Variants in STXBP5L observed in about 807,000 individuals in gnomAD.
The protein encoded by STXBP5L is syntaxin binding protein 5L.
STXBP5L carries 65 observed loss-of-function variants against 144.5 expected under a neutral mutation model. The observed-to-expected ratio is 0.45, with a 90% CI of 0.37 to 0.55. The LOEUF (loss-of-function observed/expected upper bound fraction) is 0.55, where lower values mean the gene tolerates loss of function less well. STXBP5L is among the 20% of genes least tolerant of loss of function. The pLI is 0.00. For synonymous variants in STXBP5L, 505 were observed against 469.6 expected (o/e 1.08, Z -0.97); for missense variants, 1,298 against 1,405.5 (o/e 0.92, Z 1.22).
intron 5 of STXBP5L, among the ~76,000 whole-genome samples, chr3:121,060,792 T>G (rs111716169): frequency 2.0e-5 from 3 of 152,138 alleles, no homozygotes; most frequent in African/African-American, 7.2e-5. Flanking sequence ...GATGGTAGTT[T>G]GTATTTCTGT....
chr3:121,310,912 A>AAC (rs995254700), intron 19 of STXBP5L, among the ~76,000 whole-genome samples: 1 of 152,148 alleles, frequency 6.6e-6, no homozygotes, highest in Non-Finnish European at 1.5e-5. Flanking sequence ...CTGTCTCAAA[A>AAC]AAAAAAAGAC....
chr3:121,331,902 C>G (rs2044331733), intron 20 of STXBP5L, among the ~76,000 whole-genome samples: 1 of 152,118 alleles, frequency 6.6e-6, no homozygotes, highest in Admixed American at 6.6e-5. Flanking sequence ...GACAGTGAAC[C>G]TGCTCACACA....
intron 5 of STXBP5L, among the ~76,000 whole-genome samples, chr3:121,112,202 T>C (rs2107817165): frequency 6.6e-6 from 1 of 151,806 alleles, no homozygotes; most frequent in South Asian, 2.1e-4. Flanking sequence ...CTCAGGAACT[T>C]GGTAATCTTA....
chr3:121,311,803 A>G (rs1420422526), intron 19 of STXBP5L, among the ~76,000 whole-genome samples: 1 of 152,220 alleles, frequency 6.6e-6, no homozygotes, highest in Non-Finnish European at 1.5e-5. Context: ...ATCCCCATCA[A>G]GCTACCAATG....
chr3:120,956,747 T>C (rs966976388), intron 3 of STXBP5L, among the ~76,000 whole-genome samples: 1 of 151,926 alleles, frequency 6.6e-6, no homozygotes, highest in Non-Finnish European at 1.5e-5. Flanking sequence ...TGAGGAACTG[T>C]CATTCTGTTT....
At chr3:121,197,195 A>G (rs1307562109) in intron 9 of STXBP5L, among the ~76,000 whole-genome samples, 4 of 151,920 alleles carry the variant, frequency 2.6e-5, no homozygotes, top group Admixed American at 1.3e-4. Context: ...TGCTATTTCC[A>G]TGTTATGTCC....
chr3:121,135,611 A>G (rs746084939), intron 7 of STXBP5L, among the ~76,000 whole-genome samples: 6 of 152,196 alleles, frequency 3.9e-5, no homozygotes, highest in Non-Finnish European at 5.9e-5. Flanking sequence ...TTCACAATCC[A>G]ATGAGAATCT....
intron 11 of STXBP5L, among the ~76,000 whole-genome samples, chr3:121,231,084 T>A (rs1286274770): frequency 6.6e-6 from 1 of 152,186 alleles, no homozygotes; most frequent in Non-Finnish European, 1.5e-5. Flanking sequence ...TTTCTCTACC[T>A]GCCAGGATGA....
intron 2 of STXBP5L, among the ~76,000 whole-genome samples, chr3:120,953,952 C>G (rs571683453): frequency 1.3e-5 from 2 of 152,022 alleles, no homozygotes; most frequent in African/African-American, 4.8e-5. Context: ...TTTATACATG[C>G]CATTTATTAG....
chr3:121,084,315 A>G (rs554816822), intron 5 of STXBP5L, among the ~76,000 whole-genome samples: 3 of 152,210 alleles, frequency 2.0e-5, no homozygotes, highest in African/African-American at 7.2e-5. Context: ...TCACCTAGGT[A>G]TTGAGCCCTG....
At chr3:121,007,686 C>T (rs866498519) in intron 3 of STXBP5L, among the ~76,000 whole-genome samples, 1 of 151,954 alleles carries the variant, frequency 6.6e-6, no homozygotes, top group Non-Finnish European at 1.5e-5. Context: ...CTGTTGTTTA[C>T]ATAGGCAGAA....
At chr3:120,976,873 C>G (rs561821053) in intron 3 of STXBP5L, among the ~76,000 whole-genome samples, 2 of 152,022 alleles carry the variant, frequency 1.3e-5, no homozygotes, top group South Asian at 2.1e-4. Context: ...GTTTCTTAAC[C>G]CTGAGTTTTA....
intron 18 of STXBP5L, among the ~76,000 whole-genome samples, chr3:121,279,272 CAAAAGTA>C (rs2050976204): frequency 1.3e-5 from 2 of 151,732 alleles, no homozygotes; most frequent in Non-Finnish European, 1.5e-5. Flanking sequence ...ATAAAGAGCA[CAAAAGTA>C]AGAAACATTT....
At chr3:121,291,689 G>A (rs984970090) in intron 19 of STXBP5L, among the ~76,000 whole-genome samples, 8 of 152,090 alleles carry the variant, frequency 5.3e-5, no homozygotes, top group African/African-American at 1.9e-4. Context: ...AAAACTTCAT[G>A]GTACTGACAT....
At chr3:121,235,963 A>C (rs949819876) in intron 12 of STXBP5L, among the ~76,000 whole-genome samples, 3 of 152,128 alleles carry the variant, frequency 2.0e-5, no homozygotes, top group African/African-American at 7.2e-5. Context: ...TACCCTAAAA[A>C]AACACAGTGT....
intron 5 of STXBP5L, among the ~76,000 whole-genome samples, chr3:121,095,044 G>T (rs2043040842): frequency 6.6e-6 from 1 of 152,122 alleles, no homozygotes; most frequent in South Asian, 2.1e-4. Flanking sequence ...CCTCACTTAT[G>T]AAGCTTAGTT....
chr3:121,002,451 A>T (rs1943863362), intron 3 of STXBP5L, among the ~76,000 whole-genome samples: 1 of 152,052 alleles, frequency 6.6e-6, no homozygotes, highest in Non-Finnish European at 1.5e-5. Flanking sequence ...TGCATATCAG[A>T]TATATGGTTT....
chr3:121,171,197 A>G (rs1431823569), intron 9 of STXBP5L, among the ~76,000 whole-genome samples: 1 of 152,206 alleles, frequency 6.6e-6, no homozygotes, highest in Admixed American at 6.5e-5. Context: ...CTAGGAATTG[A>G]TGGAACGTAA....
intron 7 of STXBP5L, among the ~76,000 whole-genome samples, chr3:121,123,573 A>AG (rs2044570430): frequency 6.6e-6 from 1 of 151,684 alleles, no homozygotes; most frequent in Admixed American, 6.6e-5. Flanking sequence ...TAAGAAAAAA[A>AG]AAAGCCTGAA....
Sources: gnomAD v4.1 joint callset for allele counts (sites outside exome capture counted in the v4.1 genomes callset) on GRCh38, gnomAD v4.1.1 for gene constraint, MANE v1.5 for transcripts, NCBI Gene and HGNC (gene_info 2026-07-23, HGNC 2026-07-21) for gene names.